Variants in CSNK1G3 observed in about 807,000 individuals in gnomAD.
CSNK1G3 encodes casein kinase I isoform gamma-3.
In CSNK1G3, 23 loss-of-function variants were observed where a neutral mutation model predicts 64.3. The observed-to-expected ratio is 0.36, with a 90% CI of 0.26 to 0.51. The LOEUF (loss-of-function observed/expected upper bound fraction) is 0.51, where lower values mean the gene tolerates loss of function less well. Among genes scored for constraint, CSNK1G3 ranks in the 20% least tolerant of loss-of-function variants. CSNK1G3 has a pLI of 0.96. For missense variants in CSNK1G3, 357 were observed against 510.5 expected, an observed-to-expected ratio of 0.70 and a Z score of 2.90; for synonymous variants, 158 against 162.2, an observed-to-expected ratio of 0.97 and a Z score of 0.20.
chr5:123,564,739 C>T (rs995893047), intron 4 of CSNK1G3, among the ~76,000 whole-genome samples: 1 of 152,016 alleles, frequency 6.6e-6, no homozygotes, highest in Non-Finnish European at 1.5e-5. Flanking sequence ...CTCTTTTTTA[C>T]AGTAGAATAA....
At chr5:123,545,606 C>T (rs1782393420) in exon 2 of CSNK1G3, 1 of 1,430,418 alleles carries the variant, frequency 7.0e-7, no homozygotes. Context: ...TCACAATACC[C>T]TGTTTCAGTG....
chr5:123,575,379 A>G (rs893759262), intron 5 of CSNK1G3, among the ~76,000 whole-genome samples: 2 of 152,176 alleles, frequency 1.3e-5, no homozygotes, highest in African/African-American at 2.4e-5. Context: ...AATGTTTTGC[A>G]TATGTCTGCT....
intron 4 of CSNK1G3, among the ~76,000 whole-genome samples, chr5:123,565,175 A>G (rs1359974313): frequency 2.6e-5 from 4 of 152,260 alleles, no homozygotes; most frequent in African/African-American, 9.6e-5. Flanking sequence ...CTGGCTTAAC[A>G]GTAAACAGCT....
intron 10 of CSNK1G3, among the ~76,000 whole-genome samples, chr5:123,593,335 A>C (rs572099929): frequency 2.0e-5 from 3 of 152,140 alleles, no homozygotes; most frequent in African/African-American, 7.2e-5. Flanking sequence ...TTTAAAAAAA[A>C]CTTCTTAAAT....
intron 1 of CSNK1G3, among the ~76,000 whole-genome samples, chr5:123,513,107 G>A (rs1426513491): frequency 6.6e-6 from 1 of 152,204 alleles, no homozygotes; most frequent in Admixed American, 6.5e-5. Context: ...GTTGGGTGGG[G>A]GGACACAGGG....
In CSNK1G3 at chr5:123,558,110, C is replaced by T. The variant is rs954101150; in HGVS notation, c.289+546C>T. ...ACCTGGAAGAGGCTTCTAGTACTTT[C>T]GCCTAGAGTCTCTAGAGGGAGTGTG... On this transcript the variant is annotated intron_variant, in intron 4 of 12. Transcript: ENST00000345990. Among the ~76,000 whole-genome samples, 6 of 152,126 alleles carry T rather than the reference C, an allele frequency of 3.9e-5. No homozygotes were observed. The South Asian group carries it at 8.3e-4, about 21-fold the overall frequency.
At chr5:123,605,285 A>G in intron 11 of CSNK1G3, 54 bp from the exon 13 acceptor site, 123 of 1,325,278 alleles carry the variant, frequency 9.3e-5, no homozygotes, top group Non-Finnish European at 1.2e-4. Context: ...GCTGTTTCTG[A>G]TTCTCTCTCT....
chr5:123,524,865 A>G (rs1220193530), intron 1 of CSNK1G3, among the ~76,000 whole-genome samples: 1 of 152,102 alleles, frequency 6.6e-6, no homozygotes, highest in Non-Finnish European at 1.5e-5. Context: ...TTAAACACTG[A>G]AGGATAATGG....
chr5:123,573,274 A>G (rs1172069454), intron 4 of CSNK1G3, 119 bp from the exon 5 acceptor site: 2 of 1,051,142 alleles, frequency 1.9e-6, no homozygotes, highest in African/African-American at 3.2e-5. Flanking sequence ...TGTATCTGGA[A>G]AAAGTGATAG....
chr5:123,550,655 C>A (rs1783457606), intron 2 of CSNK1G3, among the ~76,000 whole-genome samples: 1 of 152,188 alleles, frequency 6.6e-6, no homozygotes, highest in Non-Finnish European at 1.5e-5. Context: ...TAATATGGCA[C>A]AATGCTTTAC....
chr5:123,559,302 G>A (rs1785219889), intron 4 of CSNK1G3, among the ~76,000 whole-genome samples: 1 of 152,220 alleles, frequency 6.6e-6, no homozygotes, highest in African/African-American at 2.4e-5. Context: ...CTGTCATTTG[G>A]AAGAATAGGA....
chr5:123,613,411 A>ATGTGTGTG (rs34051969), intron 12 of CSNK1G3, among the ~76,000 whole-genome samples: 9 of 148,808 alleles, frequency 6.0e-5, no homozygotes, highest in African/African-American at 2.2e-4. Flanking sequence ...TGTCCAGTGC[A>ATGTGTGTG]TGTGTGTGTG....
At chr5:123,586,170 C>T (rs916860672) in intron 6 of CSNK1G3, among the ~76,000 whole-genome samples, 8 of 152,120 alleles carry the variant, frequency 5.3e-5, no homozygotes, top group South Asian at 2.1e-4. Context: ...AATTTGGACA[C>T]GAATCTATAC....
intron 1 of CSNK1G3, among the ~76,000 whole-genome samples, chr5:123,541,504 C>T (rs2150211465): frequency 6.6e-6 from 1 of 152,284 alleles, no homozygotes; most frequent in Non-Finnish European, 1.5e-5. Context: ...TCTCAGCTCA[C>T]TGCAACCTCT....
chr5:123,518,586 T>C (rs1777574423), intron 1 of CSNK1G3, among the ~76,000 whole-genome samples: 2 of 152,234 alleles, frequency 1.3e-5, no homozygotes, highest in Non-Finnish European at 2.9e-5. Context: ...ATACATCTTT[T>C]GCATAAGCCT....
At chr5:123,597,461 A>G (rs921291347) in intron 10 of CSNK1G3, among the ~76,000 whole-genome samples, 4 of 152,238 alleles carry the variant, frequency 2.6e-5, no homozygotes, top group South Asian at 2.1e-4. Context: ...CGGTAAGACT[A>G]TGGCTTTCAC....
chr5:123,536,143 A>G (rs1475861954), intron 1 of CSNK1G3, among the ~76,000 whole-genome samples: 1 of 152,024 alleles, frequency 6.6e-6, no homozygotes, highest in African/African-American at 2.4e-5. Context: ...TTCTGTACAT[A>G]AGTATTTATA....
chr5:123,551,478 G>A (rs143462245), intron 2 of CSNK1G3, among the ~76,000 whole-genome samples: 78 of 152,130 alleles, frequency 5.1e-4, no homozygotes, highest in African/African-American at 1.8e-3. Flanking sequence ...CAACTGTATT[G>A]AGTTTATGAC....
chr5:123,546,569 A>G (rs913019526), intron 2 of CSNK1G3, among the ~76,000 whole-genome samples: 2 of 152,062 alleles, frequency 1.3e-5, no homozygotes, highest in Admixed American at 1.3e-4. Context: ...TCCATTGCAA[A>G]AAACTAAGAA....
Sources: allele counts gnomAD v4.1 joint callset (sites outside exome capture counted in the v4.1 genomes callset), GRCh38; gene constraint gnomAD v4.1.1; transcripts MANE v1.5; gene names NCBI Gene and HGNC (gene_info 2026-07-23, HGNC 2026-07-21).